Variants in PAQR3 observed in about 807,000 individuals in gnomAD.
PAQR3 encodes progestin and adipoQ receptor family member 3, also known as Raf kinase trapping to Golgi.
PAQR3 carries 39 observed loss-of-function variants against 41.7 expected under a neutral mutation model. That is an observed-to-expected ratio of 0.93 (90% CI 0.72 to 1.22). The LOEUF (loss-of-function observed/expected upper bound fraction) is 1.22, where lower values mean the gene tolerates loss of function less well. Ranked by LOEUF, PAQR3 falls within the 50% of genes most tolerant of loss-of-function variation. PAQR3 has a pLI of 0.00. For synonymous variants in PAQR3, 140 were observed against 140.6 expected (o/e 1.00, Z 0.03); for missense variants, 366 against 385.6 (o/e 0.95, Z 0.42).
chr4:78,939,279 C>T lies in PAQR3; in HGVS notation c.-55G>A. On this transcript the variant is annotated 5_prime_UTR_variant, in exon 1 of 6. Coordinates refer to ENST00000512733, the MANE Select transcript of PAQR3 (RefSeq NM_001040202.2). The stretch of plus-strand genomic sequence containing the variant: ...GGGAGCTCCCCCAGGTCCCGCCTCC[C>T]CGGGGAGGGGGCTTCGCCGCTGGCG... 2 of 1,520,136 alleles carry T rather than the reference C, an allele frequency of 1.3e-6. No individual in the cohort carries two copies. The highest frequency in any genetic ancestry group is 1.4e-5 in the African/African-American group (1 of 69,290). The allele number at this position is 1,520,136 out of a possible 1,614,324, so 94.2% of individuals were successfully genotyped here. A position where few individuals can be genotyped will look rare whatever the true frequency, so the allele number is the denominator to read the frequency against.
At chr4:78,925,766 T>G (rs951255054) in intron 4 of PAQR3, among the ~76,000 whole-genome samples, 40 of 152,152 alleles carry the variant, frequency 2.6e-4, no homozygotes, top group Admixed American at 2.4e-3. Context: ...TATTAAAAAT[T>G]CTCAAGTTTA....
chr4:78,932,126 G>A (rs1736966080), intron 2 of PAQR3, among the ~76,000 whole-genome samples: 1 of 152,112 alleles, frequency 6.6e-6, no homozygotes, highest in Non-Finnish European at 1.5e-5. Context: ...TTATATTCTG[G>A]TCATTAAACA....
chr4:78,888,295 C>T (rs887113515), intron 11 of PAQR3: 32 of 152,166 alleles, frequency 2.1e-4, no homozygotes, highest in Admixed American at 2.0e-3. Context: ...AACTGGGGAA[C>T]ATAGCTTACT....
At chr4:78,924,215 T>C (rs1008503734) in intron 4 of PAQR3, among the ~76,000 whole-genome samples, 2 of 152,112 alleles carry the variant, frequency 1.3e-5, no homozygotes, top group African/African-American at 4.8e-5. Context: ...AATGTAGGTA[T>C]ATGTGTAGAA....
chr4:78,920,002 A>G lies in PAQR3; in HGVS notation c.*537T>C. 3.0e-6 allele frequency: 3 copies of G among 985,360 alleles called. No individual in the cohort carries two copies. The highest frequency in any genetic ancestry group is 3.6e-6 in the Non-Finnish European group (3 of 829,578). 61.0% of individuals were successfully genotyped at this position (985,360 alleles called of 1,614,324 possible). A position where few individuals can be genotyped will look rare whatever the true frequency, so the allele number is the denominator to read the frequency against. ...TTAGGGAGAGAAGAACCTATAGCTA[A>G]AGGATATAATATCTGAAGTGCCAGT... On this transcript the variant is annotated 3_prime_UTR_variant, in exon 6 of 6. Coordinates refer to ENST00000512733, the MANE Select transcript of PAQR3 (RefSeq NM_001040202.2).
downstream of PAQR3, chr4:78,911,341 T>G (rs1317835727): frequency 1.2e-6 from 2 of 1,613,792 alleles, no homozygotes; most frequent in Non-Finnish European, 1.7e-6. Context: ...TGTAGATGTA[T>G]TTGGCTCCAC....
chr4:78,904,551 C>A lies in PAQR3; in HGVS notation c.*836+1557G>T, dbSNP rs146494822. ...TCATTGCTGTTCTTAATAAATTACC[C>A]AGATCTGCATTGTCTTAGTCACTCA... On this transcript the variant is annotated intron_variant and NMD_transcript_variant, in intron 11 of 12. Transcript: ENST00000342820. Among the ~76,000 whole-genome samples the A allele has an allele frequency of 2.9e-3, 448 of 151,970 alleles. 2 individuals carry two copies. Among genetic ancestry groups the A allele is most frequent in the Non-Finnish European group, 4.7e-3 (317 of 67,786 alleles).
Position 78,923,876 on chromosome 4 carries a change from G to C in PAQR3, c.774C>G (p.Val258=), listed in dbSNP as rs1735914659. 1 of 1,611,804 alleles carries C rather than the reference G, an allele frequency of 6.2e-7. No individual in the cohort carries two copies. The highest frequency in any genetic ancestry group is 2.2e-5 in the East Asian group (1 of 44,860). ...ACCTACCTGGAAAGTACCGCTCTGG[G>C]ACTTTGGAAATGTAGAATAGGAAAG... ...LLAFLFYISK[V]PERYFPGQLN... The change falls in exon 5 of 6, where the codon GTC becomes GTG. Residue 258 remains valine (V), a synonymous_variant. Transcript: ENST00000512733.
At chr4:78,930,061 T>G (rs1736678557) in intron 3 of PAQR3, 109 bp downstream of exon 3, 1 of 1,060,470 alleles carries the variant, frequency 9.4e-7, no homozygotes, top group South Asian at 1.7e-5. Context: ...GACTCTTCTA[T>G]TTAGTCTATA....
Position 78,939,080 on chromosome 4 carries a change from C to A in PAQR3, c.145G>T (p.Gly49Cys), listed in dbSNP as rs1282039511. The change falls in exon 1 of 6, where the codon GGC becomes TGC. Residue 49 changes from glycine to cysteine, a missense_variant. Gly to Cys is a radical substitution (Grantham distance 159). Coordinates refer to ENST00000512733, the MANE Select transcript of PAQR3 (RefSeq NM_001040202.2). ...CTGGACGGCAGGTAGGCCCGGTAGC[C>A]GTCGGTGATGTACGGGTTGTCCTTG... Reference protein sequence around the residue: ...SLKDNPYITDGYRAYLPSRLC... With the variant: ...SLKDNPYITDCYRAYLPSRLC... The A allele has an allele frequency of 6.2e-7, 1 of 1,611,762 alleles. No individual in the cohort carries two copies. The highest frequency in any genetic ancestry group is 1.7e-5 in the Admixed American group (1 of 59,892).
chr4:78,911,242 A>C, downstream of PAQR3: 2 of 1,613,994 alleles, frequency 1.2e-6, no homozygotes, highest in South Asian at 2.2e-5. Context: ...TGATGTATTC[A>C]CAAAGGCGCC....
chr4:78,938,755 G>T (rs1737709143), intron 1 of PAQR3, among the ~76,000 whole-genome samples: 1 of 151,836 alleles, frequency 6.6e-6, no homozygotes, highest in Non-Finnish European at 1.5e-5. Flanking sequence ...TCAATGAGCC[G>T]AACAAACCGA....
At chr4:78,936,556 A>G (rs1018222704) in intron 1 of PAQR3, among the ~76,000 whole-genome samples, 41 of 152,238 alleles carry the variant, frequency 2.7e-4, no homozygotes, top group Non-Finnish European at 5.4e-4. Flanking sequence ...CATGATGTAT[A>G]TAGCAAGGTG....
chr4:78,903,849 T>C (rs1199556165), intron 11 of PAQR3, among the ~76,000 whole-genome samples: 1 of 151,978 alleles, frequency 6.6e-6, no homozygotes, highest in African/African-American at 2.4e-5. Context: ...GTGTTGGTGA[T>C]AAACTGTTGA....
At chr4:78,937,797 A>G (rs1462658752) in intron 1 of PAQR3, among the ~76,000 whole-genome samples, 1 of 152,208 alleles carries the variant, frequency 6.6e-6, no homozygotes, top group Non-Finnish European at 1.5e-5. Context: ...TTTCCACTCC[A>G]TGAGATTTGG....
chr4:78,887,237 A>G (rs1405725933), exon 13 of PAQR3: 2 of 1,611,692 alleles, frequency 1.2e-6, no homozygotes, highest in African/African-American at 1.3e-5. Flanking sequence ...CCACATAACC[A>G]TCCTCCAGAA....
At chr4:78,888,517 A>G (rs879402635) in intron 11 of PAQR3, among the ~76,000 whole-genome samples, 2 of 152,202 alleles carry the variant, frequency 1.3e-5, no homozygotes, top group Admixed American at 1.3e-4. Flanking sequence ...GAATTGCATT[A>G]TCCTTTTCAG....
rs142784502 is a variant in PAQR3 at position 78,932,493 on chromosome 4, A to G, written c.349-2168T>C. On this transcript the variant is annotated intron_variant, in intron 2 of 5. Transcript: ENST00000512733. ...GAAGTAGGTAGACAGGTAAGGGAGCAGGCAGGTAGGCAGGTGCAAGGTAGC... is the reference window on the plus strand; with the variant it reads ...GAAGTAGGTAGACAGGTAAGGGAGCGGGCAGGTAGGCAGGTGCAAGGTAGC... Among the ~76,000 whole-genome samples, 372 of 152,272 alleles carry G rather than the reference A, an allele frequency of 2.4e-3. 1 individual carries two copies. The highest frequency in any genetic ancestry group is 8.8e-3 in the African/African-American group (364 of 41,548).
chr4:78,887,204 A>G, exon 13 of PAQR3: 1 of 1,611,074 alleles, frequency 6.2e-7, no homozygotes, highest in Non-Finnish European at 8.5e-7. Context: ...TCCTCAGATA[A>G]GAATGTAGAC....
Sources: gnomAD v4.1 joint callset for allele counts (sites outside exome capture counted in the v4.1 genomes callset) on GRCh38, gnomAD v4.1.1 for gene constraint, MANE v1.5 for transcripts, NCBI Gene and HGNC (gene_info 2026-07-23, HGNC 2026-07-21) for gene names.